NAT10: variants seen among roughly 807,000 people sequenced by gnomAD.
The protein encoded by NAT10 is RNA cytidine acetyltransferase.
Under a neutral mutation model 132.2 loss-of-function variants are expected in NAT10, and 109 were observed. That is an observed-to-expected ratio of 0.82 (90% confidence interval 0.71 to 0.97). NAT10 has a LOEUF of 0.97. Among genes scored for constraint, NAT10 ranks in the 50% least tolerant of loss-of-function variants. The pLI is 0.00. For missense variants in NAT10, 1,184 were observed against 1,263.4 expected, an observed-to-expected ratio of 0.94 and a Z score of 0.95; for synonymous variants, 479 against 478.0, an observed-to-expected ratio of 1.00 and a Z score of -0.03.
chr11:34,119,715 T>C (rs1489212647), intron 8 of NAT10, among the ~76,000 whole-genome samples: 2 of 152,246 alleles, frequency 1.3e-5, no homozygotes, highest in Non-Finnish European at 2.9e-5. Context: ...TGCCTCTTTT[T>C]TCATGCACAT....
rs1316080784 is a variant in NAT10 at position 34,146,705 on chromosome 11, T to C, written c.*513T>C. The stretch of plus-strand genomic sequence containing the variant: ...TTAGGTGCGCCAGGGTTTGCTGATG[T>C]TGTCTTGTGCTGTTCCACTCTTGGC... On this transcript the variant is annotated 3_prime_UTR_variant, in exon 29 of 29. Coordinates refer to ENST00000257829, the MANE Select transcript of NAT10 (RefSeq NM_024662.3). 2 of 154,184 alleles carry C rather than the reference T, an allele frequency of 1.3e-5. No individual in the cohort carries two copies. Among genetic ancestry groups the C allele is most frequent in the Non-Finnish European group, 1.4e-5 (1 of 69,406 alleles). 9.6% of individuals were successfully genotyped at this position (154,184 alleles called of 1,614,324 possible). A position where few individuals can be genotyped will look rare whatever the true frequency, so the allele number is the denominator to read the frequency against.
At chr11:34,141,325 A>G in intron 25 of NAT10, 117 bp downstream of exon 25, 2 of 1,074,672 alleles carry the variant, frequency 1.9e-6, no homozygotes, top group Non-Finnish European at 1.3e-6. Context: ...ATCTCGTCAC[A>G]CACACACACA....
Position 34,118,479 on chromosome 11 carries a change from G to A in NAT10, c.756G>A (p.Val252=). The change falls in exon 8 of 29, where the codon GTG becomes GTA. Residue 252 remains valine (V), a synonymous_variant. Coordinates refer to ENST00000257829, the MANE Select transcript of NAT10 (RefSeq NM_024662.3). ...LQDTQPVGVL[V]DCCKTLDQAK... is the part of the protein sequence containing the mutation. ...ACACCCAGCCTGTGGGTGTGTTGGTGGACTGCTGTAAGACTCTAGACCAGG... is the reference window on the plus strand; with the variant it reads ...ACACCCAGCCTGTGGGTGTGTTGGTAGACTGCTGTAAGACTCTAGACCAGG... 6.2e-7 allele frequency: 1 copy of A among 1,613,920 alleles called. No individual in the cohort carries two copies. The highest frequency in any genetic ancestry group is 8.5e-7 in the Non-Finnish European group (1 of 1,179,916).
chr11:34,117,493 G>A (rs1381404435), intron 6 of NAT10, among the ~76,000 whole-genome samples: 3 of 152,176 alleles, frequency 2.0e-5, no homozygotes, highest in African/African-American at 4.8e-5. Flanking sequence ...TAGTGCTGAG[G>A]TGTAGAAATC....
In NAT10 at chr11:34,124,843, A is replaced by C. The variant is rs117253153; in HGVS notation, c.1107+443A>C. 5.8e-4 allele frequency among the ~76,000 whole-genome samples: 89 copies of C among 152,298 alleles called. No homozygotes were observed. In the East Asian group the frequency reaches 0.016, roughly 27 times the overall value. ...TAGCCAGTGGCCTATTTTCTTTTTT[A>C]AACAGTGTTTTCCCAAAAGTTCTAA... On this transcript the variant is annotated intron_variant, in intron 11 of 28. Coordinates refer to ENST00000257829, the MANE Select transcript of NAT10 (RefSeq NM_024662.3).
chr11:34,136,845 G>C, intron 20 of NAT10, 70 bp downstream of exon 20: 1 of 1,612,552 alleles, frequency 6.2e-7, no homozygotes, highest in Non-Finnish European at 8.5e-7. Flanking sequence ...TGGGCTGTGT[G>C]TCTCTGTTGG....
intron 24 of NAT10, among the ~76,000 whole-genome samples, chr11:34,140,848 A>G (rs1269215865): frequency 1.3e-5 from 2 of 151,878 alleles, no homozygotes; most frequent in African/African-American, 2.4e-5. Flanking sequence ...GAACATCCCA[A>G]ACTTTTAATG....
intron 28 of NAT10, among the ~76,000 whole-genome samples, chr11:34,143,813 C>G (rs1026542658): frequency 2.6e-5 from 4 of 152,234 alleles, no homozygotes; most frequent in African/African-American, 9.6e-5. Context: ...CCAGAAGCTG[C>G]CACTGGCTGA....
At chr11:34,125,820 C>T (rs1238712436) in intron 11 of NAT10, among the ~76,000 whole-genome samples, 2 of 152,090 alleles carry the variant, frequency 1.3e-5, no homozygotes, top group Non-Finnish European at 2.9e-5. Context: ...AAAAGTTAGC[C>T]AGGCGTGGTG....
rs776874402 is a variant in NAT10, at chr11:34,112,042, G to C, written c.201-10G>C. On this transcript the variant is annotated splice_polypyrimidine_tract_variant and intron_variant, in intron 3 of 28. Transcript: ENST00000257829. ...CTGGCTCTCATGGGATTGGGGGTGT[G>C]TGATTGCAGTCACCGGAAGAAAAGA... The C allele has an allele frequency of 6.2e-7, 1 of 1,614,040 alleles. No homozygotes were observed. The highest frequency in any genetic ancestry group is 1.1e-5 in the South Asian group (1 of 91,072).
Position 34,131,442 on chromosome 11 carries a change from G to A in NAT10, c.1431G>A (p.Val477=). 1.2e-6 allele frequency: 2 copies of A among 1,614,164 alleles called. No homozygotes were observed. The highest frequency in any genetic ancestry group is 2.7e-5 in the African/African-American group (2 of 75,038). ...TCCGATACGCCCCTGGGGATGCAGT[G>A]GAGAAGTGGCTGAATGACTTGCTGT... The part of the protein sequence containing the change: ...ESIRYAPGDA[V]EKWLNDLLCL... The change falls in exon 14 of 29, where the codon GTG becomes GTA. Residue 477 remains valine, a synonymous_variant. Transcript: ENST00000257829.
intron 16 of NAT10, 96 bp from the exon 17 acceptor site, chr11:34,134,223 A>T (rs1389164191): frequency 9.5e-7 from 1 of 1,047,608 alleles, no homozygotes; most frequent in South Asian, 1.3e-5. Flanking sequence ...TGGGGGTGGA[A>T]ACAACTGGCC....
intron 13 of NAT10, 43 bp downstream of exon 13, chr11:34,130,980 C>A: frequency 6.2e-7 from 1 of 1,607,338 alleles, no homozygotes; most frequent in Non-Finnish European, 8.5e-7. Flanking sequence ...CACAGCAAGG[C>A]CCTTCAGTCT....
rs1463871042 is a variant in NAT10 at position 34,127,469 on chromosome 11, C to T, written c.1114C>T (p.His372Tyr). ...REHRQTIQYI[H>Y]PADAVKLGQA... ...AAATTTTCCTTCCCCATAGTATATA[C>T]ATCCTGCAGATGCTGTGAAGCTGGG... Residue 372 changes from histidine to tyrosine, a missense_variant, in exon 12 of 29, where the codon CAT (histidine) becomes TAT (tyrosine). Transcript: ENST00000257829. 1.2e-6 allele frequency: 2 copies of T among 1,613,338 alleles called. No homozygotes were observed. The highest frequency in any genetic ancestry group is 1.7e-5 in the Admixed American group (1 of 59,952).
At chr11:34,117,740 C>CT (rs996433654) in intron 6 of NAT10, among the ~76,000 whole-genome samples, 2 of 151,900 alleles carry the variant, frequency 1.3e-5, no homozygotes, top group Non-Finnish European at 2.9e-5. Flanking sequence ...CACCTTCTTC[C>CT]TTTTTTTTCT....
Position 34,118,444 on chromosome 11 carries a change from A to C in NAT10, c.721A>C (p.Ser241Arg). 6.2e-7 allele frequency: 1 copy of C among 1,614,066 alleles called. No individual in the cohort carries two copies. Among genetic ancestry groups the C allele is most frequent in the East Asian group, 2.2e-5 (1 of 44,880 alleles). ...SDLELRELKE[S>R]LQDTQPVGVL... Reference sequence around the variant, plus strand: ...TCTGGAGCTGAGGGAGTTGAAGGAGAGCTTGCAGGACACCCAGCCTGTGGG... The same window carrying C: ...TCTGGAGCTGAGGGAGTTGAAGGAGCGCTTGCAGGACACCCAGCCTGTGGG... Residue 241 changes from serine (S) to arginine (R), a missense_variant, in exon 8 of 29, where the codon AGC becomes CGC. By Grantham distance (110) the Ser-to-Arg change is moderately radical. Coordinates refer to ENST00000257829, the MANE Select transcript of NAT10 (RefSeq NM_024662.3).
At position 34,140,406 on chromosome 11, in the gene NAT10, G is replaced by C; in HGVS notation, c.2426G>C (p.Ser809Thr). ...NMGKPAQPALSREELEALFLP... is the reference protein window; with the variant it reads ...NMGKPAQPALTREELEALFLP... ...CTCTCTATCCCATGGACAGCCCTGA[G>C]CCGGGAGGAGCTGGAAGCACTCTTC... The change falls in exon 24 of 29, where the codon AGC becomes ACC. Residue 809 changes from serine to threonine, a missense_variant. Coordinates refer to ENST00000257829, the MANE Select transcript of NAT10 (RefSeq NM_024662.3). 6.2e-7 allele frequency: 1 copy of C among 1,613,552 alleles called. No individual in the cohort carries two copies. The highest frequency in any genetic ancestry group is 8.5e-7 in the Non-Finnish European group (1 of 1,179,500).
At chr11:34,112,964 A>G (rs1367974416) in intron 4 of NAT10, among the ~76,000 whole-genome samples, 1 of 152,238 alleles carries the variant, frequency 6.6e-6, no homozygotes, top group African/African-American at 2.4e-5. Flanking sequence ...GCCCATTATT[A>G]TGTCAAGTTA....
rs550159862 is a variant in NAT10, at chr11:34,146,406, C to T, written c.*214C>T. 7.8e-5 allele frequency: 35 copies of T among 450,500 alleles called. No homozygotes were observed. The highest frequency in any genetic ancestry group is 5.7e-4 in the African/African-American group (29 of 50,496). The allele number at this position is 450,500 out of a possible 1,614,324, so 27.9% of individuals were successfully genotyped here. On this transcript the variant is annotated 3_prime_UTR_variant, in exon 29 of 29. Coordinates refer to ENST00000257829, the MANE Select transcript of NAT10 (RefSeq NM_024662.3). ...CTCTTTAGAACTTGATGGCTGGGCA[C>T]TGCCATCTCTAGAATTGCCACGAGT...
Sources: allele counts gnomAD v4.1 joint callset (sites outside exome capture counted in the v4.1 genomes callset), GRCh38; gene constraint gnomAD v4.1.1; transcripts MANE v1.5; gene names NCBI Gene and HGNC (gene_info 2026-07-23, HGNC 2026-07-21).